CADPS: variants seen among roughly 807,000 people sequenced by gnomAD.
CADPS encodes calcium-dependent secretion activator 1.
CADPS carries 57 observed loss-of-function variants against 167.3 expected under a neutral mutation model. The observed-to-expected ratio is 0.34, with a 90% CI of 0.28 to 0.42. The LOEUF (loss-of-function observed/expected upper bound fraction) is 0.42, where lower values mean the gene tolerates loss of function less well. CADPS is among the 20% of genes least tolerant of loss of function. The probability of loss-of-function intolerance (pLI) is 1.00; values close to 1 mark genes in which losing one functional copy is unlikely to be tolerated. For missense variants in CADPS, 1,414 were observed against 1,738.1 expected (o/e 0.81, Z 3.32); for synonymous variants, 676 against 635.3 (o/e 1.06, Z -0.96).
At chr3:62,786,162 G>A (rs568172331) in intron 1 of CADPS, among the ~76,000 whole-genome samples, 5 of 152,198 alleles carry the variant, frequency 3.3e-5, no homozygotes, top group African/African-American at 7.2e-5. Flanking sequence ...GCAGTGAGCC[G>A]AGATTGTGCC....
In CADPS at chr3:62,478,280, T is replaced by G; in HGVS notation, c.3310A>C (p.Ile1104Leu). The G allele has an allele frequency of 6.2e-7, 1 of 1,613,858 alleles. No individual in the cohort carries two copies. ...QRLKLMASDMIESCVKRTRIA... is the reference protein window; with the variant it reads ...QRLKLMASDMLESCVKRTRIA... ...ACTTACCTTTTGACACAAGATTCGATCATGTCACTTGCCATCAACTTCAGC... is the reference window on the plus strand; with the variant it reads ...ACTTACCTTTTGACACAAGATTCGAGCATGTCACTTGCCATCAACTTCAGC... The change falls in exon 23 of 30, where the codon ATC (isoleucine) becomes CTC (leucine). Residue 1104 changes from isoleucine (I) to leucine (L), a missense_variant. Physicochemically the swap from Ile to Leu is conservative, Grantham distance 5. Coordinates refer to ENST00000383710, the MANE Select transcript of CADPS (RefSeq NM_003716.4). This position sits in a 1 kb window ranked among gnomAD's most constrained non-coding sequence, Gnocchi z 5.7.
intron 28 of CADPS, among the ~76,000 whole-genome samples, chr3:62,410,916 G>A (rs1218000185): frequency 6.6e-6 from 1 of 152,128 alleles, no homozygotes; most frequent in Non-Finnish European, 1.5e-5. Flanking sequence ...ACCAGCCTGA[G>A]CAACACAGTG....
chr3:62,521,675 T>C (rs1486995892), intron 13 of CADPS, among the ~76,000 whole-genome samples: 1 of 152,198 alleles, frequency 6.6e-6, no homozygotes, highest in Non-Finnish European at 1.5e-5. Context: ...GAAGCCTGAC[T>C]CTCTCACGCT....
chr3:62,864,420 G>A lies in CADPS; in HGVS notation c.441+10169C>T, dbSNP rs529265315. On this transcript the variant is annotated intron_variant, in intron 1 of 29. Coordinates refer to ENST00000383710, the MANE Select transcript of CADPS (RefSeq NM_003716.4). ...TGCAATAACCAAGAATCACCAACTG[G>A]GTAGCTTGAGCAACAGATATTGTCA... Among the ~76,000 whole-genome samples, 5 of 152,246 alleles carry A rather than the reference G, an allele frequency of 3.3e-5. No individual in the cohort carries two copies. In the East Asian group the frequency reaches 9.7e-4, roughly 29 times the overall value.
At chr3:62,557,316 T>C (rs1423115972) in intron 10 of CADPS, 89 bp downstream of exon 10, 6 of 859,532 alleles carry the variant, frequency 7.0e-6, no homozygotes, top group African/African-American at 5.0e-5. Flanking sequence ...GTGCCTAGCA[T>C]GGAGTAAGTG....
intron 1 of CADPS, among the ~76,000 whole-genome samples, chr3:62,843,492 G>GGGGTGTGTGTGTGTGTGTGT (rs535022785): frequency 8.1e-5 from 12 of 149,016 alleles, no homozygotes; most frequent in African/African-American, 2.0e-4. Context: ...TGGCAGTTGG[G>GGGGTGTGTGTGTGTGTGTGT]GTGTGTGTGT....
chr3:62,771,593 G>T (rs946584009), intron 1 of CADPS, among the ~76,000 whole-genome samples: 1 of 152,122 alleles, frequency 6.6e-6, no homozygotes, highest in East Asian at 1.9e-4. Flanking sequence ...CGCTTAGAGA[G>T]AGAATCCTCC....
chr3:62,642,956 A>ACAAAG (rs2067745866), intron 6 of CADPS, among the ~76,000 whole-genome samples: 2 of 151,640 alleles, frequency 1.3e-5, no homozygotes, highest in African/African-American at 4.8e-5. Context: ...ACAAAACAAA[A>ACAAAG]CAAAACCCAA....
intron 10 of CADPS, among the ~76,000 whole-genome samples, chr3:62,556,994 A>AACACACACACAC (rs56228621): frequency 2.8e-5 from 4 of 143,558 alleles, no homozygotes; most frequent in Non-Finnish European, 4.5e-5. Flanking sequence ...GGTGAAAAAC[A>AACACACACACAC]ACACACACAC....
chr3:62,399,580 G>A lies in CADPS; in HGVS notation c.3888C>T (p.Thr1296=). ...CCCCTTGCAATCGGAAATCTCTGTA[G>A]GTTTTCTAAGGAAGGAAAAGATACA... ...LKTLIRMVKK[T]YRDFRLQGVL... The change falls in exon 30 of 30, where the codon ACC becomes ACT. Residue 1296 remains threonine, a synonymous_variant. Coordinates refer to ENST00000383710, the MANE Select transcript of CADPS (RefSeq NM_003716.4). The surrounding 1 kb of genome is among the most constrained non-coding windows in gnomAD (Gnocchi z 5.6). The A allele has an allele frequency of 6.2e-7, 1 of 1,613,340 alleles. No homozygotes were observed. The highest frequency in any genetic ancestry group is 8.5e-7 in the Non-Finnish European group (1 of 1,179,480).
At chr3:62,523,876 T>G (rs1404293692) in intron 13 of CADPS, among the ~76,000 whole-genome samples, 1 of 152,212 alleles carries the variant, frequency 6.6e-6, no homozygotes, top group South Asian at 2.1e-4. Context: ...TCCAAATGGA[T>G]GCATGCCTGC....
intron 8 of CADPS, among the ~76,000 whole-genome samples, chr3:62,577,702 T>C (rs1460399860): frequency 6.6e-6 from 1 of 152,234 alleles, no homozygotes; most frequent in Non-Finnish European, 1.5e-5. Context: ...GCTCACTTAG[T>C]CCTCACAACA....
In CADPS at chr3:62,602,436, G is replaced by A. The variant is rs1372199846; in HGVS notation, c.1326-9688C>T. On this transcript the variant is annotated intron_variant, in intron 6 of 29. Transcript: ENST00000383710. The surrounding 1 kb of genome is among the most constrained non-coding windows in gnomAD (Gnocchi z 4.4). ...CTGTGGGCTTTAACAAGAGAGAAGT[G>A]TCATTTCAAGGAATGAAAGTGCCGT... 2.0e-5 allele frequency among the ~76,000 whole-genome samples: 3 copies of A among 152,116 alleles called. No homozygotes were observed. The highest frequency in any genetic ancestry group is 4.8e-5 in the African/African-American group (2 of 41,414).
In CADPS at chr3:62,486,504, A is replaced by G. The variant is rs191730043; in HGVS notation, c.3027-4635T>C. ...TATGACTATTTGGAAAGTGACATTA[A>G]AAAATACTTTTTATATGCATATCTG... On this transcript the variant is annotated intron_variant, in intron 21 of 29. Coordinates refer to ENST00000383710, the MANE Select transcript of CADPS (RefSeq NM_003716.4). Among the ~76,000 whole-genome samples the G allele has an allele frequency of 1.1e-3, 163 of 152,262 alleles. 1 individual carries two copies. Among genetic ancestry groups the G allele is most frequent in the African/African-American group, 3.7e-3 (154 of 41,540 alleles).
At chr3:62,645,415 A>G (rs2068329997) in intron 6 of CADPS, among the ~76,000 whole-genome samples, 2 of 152,230 alleles carry the variant, frequency 1.3e-5, no homozygotes, top group African/African-American at 2.4e-5. Flanking sequence ...GTAAACTTAT[A>G]TCAAACTTTC....
chr3:62,534,777 T>A (rs1414169771), intron 12 of CADPS, among the ~76,000 whole-genome samples: 1 of 152,228 alleles, frequency 6.6e-6, no homozygotes, highest in African/African-American at 2.4e-5. Flanking sequence ...AGGTCCTTTT[T>A]AATTTCTGTT....
chr3:62,559,486 G>A (rs780662649), intron 9 of CADPS, among the ~76,000 whole-genome samples: 1 of 151,850 alleles, frequency 6.6e-6, no homozygotes, highest in Non-Finnish European at 1.5e-5. Flanking sequence ...TGCTGGAACG[G>A]TCCCATGGGG....
At chr3:62,604,604 G>A (rs770072306) in intron 6 of CADPS, among the ~76,000 whole-genome samples, 23 of 152,246 alleles carry the variant, frequency 1.5e-4, no homozygotes, top group Non-Finnish European at 2.8e-4. Flanking sequence ...GTGAGGAACT[G>A]TCAAAGGCTA....
intron 3 of CADPS, among the ~76,000 whole-genome samples, chr3:62,711,662 C>T (rs1278119225): frequency 3.9e-5 from 6 of 152,204 alleles, no homozygotes; most frequent in Admixed American, 3.3e-4. Context: ...GTAGCTGAAA[C>T]TGGTAGGTAA....
Sources: gnomAD v4.1 joint callset for allele counts (sites outside exome capture counted in the v4.1 genomes callset) on GRCh38, gnomAD v4.1.1 for gene constraint, Gnocchi (gnomAD v3.1) non-coding constraint, MANE v1.5 for transcripts, NCBI Gene and HGNC (gene_info 2026-07-23, HGNC 2026-07-21) for gene names.